LYN: variants seen among roughly 807,000 people sequenced by gnomAD.
LYN encodes the protein LYN proto-oncogene, Src family tyrosine kinase, also known as tyrosine-protein kinase Lyn.
LYN carries 12 observed loss-of-function variants against 65.0 expected under a neutral mutation model. The observed-to-expected ratio is 0.18, with a 90% confidence interval of 0.12 to 0.30. The LOEUF is 0.30. Ranked by LOEUF, LYN falls within the 10% of genes least tolerant of loss-of-function variation. The pLI, the probability that LYN is intolerant of heterozygous loss-of-function variation, is 1.00. For missense variants in LYN, 380 were observed against 623.2 expected (o/e 0.61, Z 4.16); for synonymous variants, 222 against 221.2 (o/e 1.00, Z -0.03).
In LYN at chr8:55,986,517, T is replaced by G. The variant is rs997641475; in HGVS notation, c.1051-11829T>G. Among the ~76,000 whole-genome samples the G allele has an allele frequency of 2.0e-5, 3 of 152,224 alleles. No individual in the cohort carries two copies. The East Asian group carries it at 5.8e-4, about 29-fold the overall frequency. On this transcript the variant is annotated intron_variant, in intron 10 of 12. Transcript: ENST00000519728. ...ATTCTGTTTCGTGGACACTTAATGA[T>G]TTAAATATGGGTATTTGGTGAAGCT... is the stretch of plus-strand genomic sequence containing the variant.
chr8:55,902,826 A>G (rs933407594), intron 1 of LYN: 36 of 499,354 alleles, frequency 7.2e-5, no homozygotes, highest in Middle Eastern at 1.4e-3. Flanking sequence ...ACCTTGATCA[A>G]CAGTGCCCAT....
intron 2 of LYN, among the ~76,000 whole-genome samples, chr8:55,942,305 A>G (rs1268385472): frequency 1.4e-5 from 2 of 147,778 alleles, no homozygotes; most frequent in African/African-American, 2.5e-5. Context: ...GTGTGTGTAT[A>G]TATGTGTATA....
At chr8:56,008,124 A>AAAAAAAAATAAAAT (rs1221275260) in intron 12 of LYN, among the ~76,000 whole-genome samples, 1 of 86,638 alleles carries the variant, frequency 1.2e-5, no homozygotes, top group African/African-American at 4.1e-5. Context: ...GCCTCAAAAA[A>AAAAAAAAATAAAAT]AAAATAAAAT....
At chr8:55,897,875 T>C (rs550367825) in intron 1 of LYN, among the ~76,000 whole-genome samples, 2 of 152,232 alleles carry the variant, frequency 1.3e-5, no homozygotes, top group Admixed American at 6.5e-5. Context: ...ATCGCGCCAC[T>C]GTACTCCAGC....
chr8:55,943,213 T>C (rs546016032), intron 2 of LYN, among the ~76,000 whole-genome samples: 119 of 152,324 alleles, frequency 7.8e-4, no homozygotes, highest in African/African-American at 7.2e-4. Flanking sequence ...TCTCTCACTG[T>C]ATACATGTAT....
At chr8:55,989,655 A>C (rs997150853) in intron 10 of LYN, among the ~76,000 whole-genome samples, 6 of 152,112 alleles carry the variant, frequency 3.9e-5, no homozygotes, top group African/African-American at 1.4e-4. Flanking sequence ...TGTTTCTAAA[A>C]CTTTGGTCTC....
At chr8:55,959,957 G>C (rs1253876917) in intron 8 of LYN, among the ~76,000 whole-genome samples, 1 of 152,182 alleles carries the variant, frequency 6.6e-6, no homozygotes, top group Non-Finnish European at 1.5e-5. Flanking sequence ...GAAATGTCCA[G>C]AATAGGCAAA....
rs1123750 is a variant in LYN, at chr8:55,926,951, A to G, written c.-5-14904A>G. On this transcript the variant is annotated intron_variant, in intron 1 of 12. Coordinates refer to ENST00000519728, the MANE Select transcript of LYN (RefSeq NM_002350.4). ...CTGCAGTTTTAGATTCAGATAAATT[A>G]GGCAGAAATTACAGATAATTGCCAT... Among the ~76,000 whole-genome samples, 528 of 152,356 alleles carry G rather than the reference A, an allele frequency of 3.5e-3. 2 individuals carry two copies. The highest frequency in any genetic ancestry group is 0.012 in the African/African-American group (510 of 41,580).
intron 1 of LYN, among the ~76,000 whole-genome samples, chr8:55,897,890 G>A (rs6997193): frequency 0.47 from 71,263 of 151,918 alleles, 17,429 homozygotes; most frequent in East Asian, 0.77. Context: ...TCCAGCCTGC[G>A]TGACAGTGAG....
chr8:55,912,491 G>A (rs943895734), intron 1 of LYN, among the ~76,000 whole-genome samples: 2 of 152,126 alleles, frequency 1.3e-5, no homozygotes, highest in African/African-American at 4.8e-5. Context: ...TTGGGAGGTC[G>A]AGGCAAGCGG....
intron 1 of LYN, among the ~76,000 whole-genome samples, chr8:55,903,043 T>C (rs1805316427): frequency 6.6e-6 from 1 of 152,190 alleles, no homozygotes; most frequent in African/African-American, 2.4e-5. Flanking sequence ...CAGACAGGGT[T>C]TCACCATATC....
At chr8:55,991,467 T>A (rs16920192) in intron 10 of LYN, among the ~76,000 whole-genome samples, 40,242 of 152,128 alleles carry the variant, frequency 0.26, 5,783 homozygotes, top group African/African-American at 0.35. Context: ...CCACTCTAGA[T>A]GACTGGAAGT....
At chr8:55,998,860 A>C (rs1399510631) in intron 11 of LYN, among the ~76,000 whole-genome samples, 1 of 152,248 alleles carries the variant, frequency 6.6e-6, no homozygotes. Context: ...TTGTAACATT[A>C]ATTCTATATT....
intron 1 of LYN, among the ~76,000 whole-genome samples, chr8:55,939,462 A>AAGAGAGAGAG (rs111951441): frequency 0.021 from 3,152 of 148,284 alleles, 100 homozygotes; most frequent in African/African-American, 0.071. Flanking sequence ...TTCCCAAGAG[A>AAGAGAGAGAG]AGAGAGAGAG....
At chr8:55,962,556 C>T (rs767063583) in intron 8 of LYN, among the ~76,000 whole-genome samples, 121 of 151,760 alleles carry the variant, frequency 8.0e-4, no homozygotes, top group African/African-American at 4.8e-4. Context: ...TCTGTGGCTA[C>T]GGTTCATTCA....
chr8:55,959,877 TATA>T (rs1406896436), intron 8 of LYN, among the ~76,000 whole-genome samples: 1 of 152,098 alleles, frequency 6.6e-6, no homozygotes, highest in Admixed American at 6.6e-5. Flanking sequence ...ATGGATGACT[TATA>T]ATAACACTAT....
rs1237045663 is a variant in LYN, at chr8:56,011,816, C to G, written c.*1706C>G. The stretch of plus-strand genomic sequence containing the variant: ...ATAGAATATTACTGTTACATAATGT[C>G]TGCACAGCTGGTCCCTTGATTCAGT... On this transcript the variant is annotated 3_prime_UTR_variant, in exon 13 of 13. Coordinates refer to ENST00000519728, the MANE Select transcript of LYN (RefSeq NM_002350.4). 2.7e-5 allele frequency: 5 copies of G among 182,218 alleles called. No individual in the cohort carries two copies. The highest frequency in any genetic ancestry group is 1.2e-4 in the African/African-American group (5 of 42,460). 11.3% of individuals were successfully genotyped at this position (182,218 alleles called of 1,614,324 possible).
intron 1 of LYN, among the ~76,000 whole-genome samples, chr8:55,917,711 T>A (rs1298258969): frequency 6.6e-6 from 1 of 152,190 alleles, no homozygotes; most frequent in Non-Finnish European, 1.5e-5. Flanking sequence ...CATAATATGT[T>A]CAGGAAGGAT....
intron 1 of LYN, among the ~76,000 whole-genome samples, chr8:55,922,532 T>C (rs1158864922): frequency 2.2e-4 from 33 of 152,216 alleles, no homozygotes; most frequent in Non-Finnish European, 5.9e-5. Flanking sequence ...CCCAGCACTT[T>C]GGGAGGCCGA....
Sources: allele counts gnomAD v4.1 joint callset (sites outside exome capture counted in the v4.1 genomes callset), GRCh38; gene constraint gnomAD v4.1.1; transcripts MANE v1.5; gene names NCBI Gene and HGNC (gene_info 2026-07-23, HGNC 2026-07-21).